The following RAB3C variants were observed in gnomAD, a reference collection of about 807,000 sequenced individuals.
The protein encoded by RAB3C is RAB3C, member RAS oncogene family, also known as ras-related protein Rab-3C.
Under a neutral mutation model 26.4 loss-of-function variants are expected in RAB3C, and 17 were observed. The observed-to-expected ratio is 0.64, with a 90% CI of 0.44 to 0.97. The LOEUF (loss-of-function observed/expected upper bound fraction) is 0.97. Among genes scored for constraint, RAB3C ranks in the 50% least tolerant of loss-of-function variants. The pLI is 0.00. For missense variants in RAB3C, 242 were observed against 281.9 expected, an observed-to-expected ratio of 0.86 and a Z score of 1.01; for synonymous variants, 91 against 95.9, an observed-to-expected ratio of 0.95 and a Z score of 0.30.
intron 3 of RAB3C, among the ~76,000 whole-genome samples, chr5:58,744,797 A>G (rs1035063392): frequency 1.3e-5 from 2 of 152,212 alleles, no homozygotes; most frequent in African/African-American, 2.4e-5. Context: ...AAAAGATTCT[A>G]TTCAACCAAC....
chr5:58,697,000 T>C (rs1748714332), intron 2 of RAB3C, among the ~76,000 whole-genome samples: 1 of 152,232 alleles, frequency 6.6e-6, no homozygotes, highest in Admixed American at 6.5e-5. Context: ...CTCTAGTTCT[T>C]TTAATTGTGA....
intron 4 of RAB3C, among the ~76,000 whole-genome samples, chr5:58,838,990 A>ATT (rs34573892): frequency 7.5e-4 from 113 of 150,638 alleles, no homozygotes; most frequent in Non-Finnish European, 9.0e-4. Flanking sequence ...GACTTGAAGC[A>ATT]TTTTTTTTTA....
intron 2 of RAB3C, among the ~76,000 whole-genome samples, chr5:58,646,997 A>G (rs1048936725): frequency 4.4e-4 from 67 of 152,362 alleles, no homozygotes; most frequent in African/African-American, 1.6e-3. Flanking sequence ...CCACCTATAA[A>G]GTATCCAGAT....
intron 2 of RAB3C, among the ~76,000 whole-genome samples, chr5:58,694,595 G>C (rs1748651740): frequency 6.6e-6 from 1 of 152,172 alleles, no homozygotes; most frequent in Non-Finnish European, 1.5e-5. Context: ...TCCAGCATCT[G>C]TTGTTTCCTG....
At chr5:58,842,131 C>A (rs552834099) in intron 4 of RAB3C, among the ~76,000 whole-genome samples, 2 of 152,276 alleles carry the variant, frequency 1.3e-5, no homozygotes, top group South Asian at 2.1e-4. Flanking sequence ...TCCTTGACTT[C>A]ACACAAATCA....
intron 3 of RAB3C, among the ~76,000 whole-genome samples, chr5:58,783,542 A>G (rs1742314583): frequency 6.6e-6 from 1 of 152,222 alleles, no homozygotes; most frequent in African/African-American, 2.4e-5. Context: ...GACATGACAC[A>G]GAAAACCATT....
intron 1 of RAB3C, among the ~76,000 whole-genome samples, chr5:58,584,889 C>T (rs183030689): frequency 3.3e-5 from 5 of 151,220 alleles, no homozygotes; most frequent in African/African-American, 1.2e-4. Flanking sequence ...TAAAATATTA[C>T]AGAACTGTAT....
chr5:58,657,948 A>C (rs1747818034), intron 2 of RAB3C, among the ~76,000 whole-genome samples: 1 of 152,230 alleles, frequency 6.6e-6, no homozygotes, highest in South Asian at 2.1e-4. Context: ...TTTTAAATGC[A>C]AAAAGTAAGC....
At chr5:58,786,421 T>C (rs1375079240) in intron 3 of RAB3C, among the ~76,000 whole-genome samples, 1 of 152,046 alleles carries the variant, frequency 6.6e-6, no homozygotes, top group Admixed American at 6.5e-5. Flanking sequence ...GGGCTGCCTG[T>C]GGTGGAACAG....
rs113575892 is a variant in RAB3C, at chr5:58,828,232, A to G, written c.496+3070A>G. ...ATAACCCTACCTTCTAGGAGCAAAC[A>G]TTGTAATGCCTGAGATAGACTACAC... On this transcript the variant is annotated intron_variant, in intron 4 of 4. Coordinates refer to ENST00000282878, the MANE Select transcript of RAB3C (RefSeq NM_138453.4). Among the ~76,000 whole-genome samples, 1,158 of 152,314 alleles carry G rather than the reference A, an allele frequency of 7.6e-3. 10 individuals are homozygous for G. The highest frequency in any genetic ancestry group is 0.012 in the Non-Finnish European group (848 of 68,020).
intron 2 of RAB3C, among the ~76,000 whole-genome samples, chr5:58,619,814 T>A (rs1746896887): frequency 6.6e-6 from 1 of 152,102 alleles, no homozygotes. Flanking sequence ...CACTTAAAAA[T>A]TATTTTCTTT....
chr5:58,586,864 A>C (rs1462131783), intron 1 of RAB3C, among the ~76,000 whole-genome samples: 1 of 152,172 alleles, frequency 6.6e-6, no homozygotes, highest in African/African-American at 2.4e-5. Flanking sequence ...ACCAAATTAC[A>C]AAGAATTAAA....
At chr5:58,830,163 A>G (rs1743580949) in intron 4 of RAB3C, among the ~76,000 whole-genome samples, 1 of 152,238 alleles carries the variant, frequency 6.6e-6, no homozygotes, top group Non-Finnish European at 1.5e-5. Flanking sequence ...TTTGATAAAT[A>G]CTGGCTTAAT....
At chr5:58,623,565 G>T (rs1746978449) in intron 2 of RAB3C, among the ~76,000 whole-genome samples, 1 of 152,238 alleles carries the variant, frequency 6.6e-6, no homozygotes. Context: ...ACTCTTGAGA[G>T]AAAGCTGATA....
chr5:58,829,192 G>T (rs2102779), intron 4 of RAB3C, among the ~76,000 whole-genome samples: 2 of 151,864 alleles, frequency 1.3e-5, no homozygotes, highest in African/African-American at 4.8e-5. Flanking sequence ...TGTGAGCCAT[G>T]GCACCCGGCC....
At chr5:58,684,787 G>A (rs1387058431) in intron 2 of RAB3C, among the ~76,000 whole-genome samples, 1 of 152,136 alleles carries the variant, frequency 6.6e-6, no homozygotes, top group African/African-American at 2.4e-5. Flanking sequence ...TGGTGACCAG[G>A]AGTTGCAATC....
chr5:58,677,479 C>T (rs1362141288), intron 2 of RAB3C, among the ~76,000 whole-genome samples: 1 of 152,102 alleles, frequency 6.6e-6, no homozygotes, highest in Non-Finnish European at 1.5e-5. Context: ...TTTACTTGGT[C>T]TAAGGAATAA....
chr5:58,653,524 A>C (rs770793578), intron 2 of RAB3C, among the ~76,000 whole-genome samples: 8 of 152,214 alleles, frequency 5.3e-5, no homozygotes, highest in Non-Finnish European at 1.2e-4. Flanking sequence ...CAGTATTCAC[A>C]ATAGCAAAGA....
chr5:58,753,013 T>A (rs1741567700), intron 3 of RAB3C, among the ~76,000 whole-genome samples: 1 of 151,846 alleles, frequency 6.6e-6, no homozygotes, highest in South Asian at 2.1e-4. Flanking sequence ...GAAAAGGAAT[T>A]ATTAAAAAAA....
Sources: gnomAD v4.1 joint callset for allele counts (sites outside exome capture counted in the v4.1 genomes callset) on GRCh38, gnomAD v4.1.1 for gene constraint, MANE v1.5 for transcripts, NCBI Gene and HGNC (gene_info 2026-07-23, HGNC 2026-07-21) for gene names.